IL1RL1: variants seen among roughly 807,000 people sequenced by gnomAD.
IL1RL1 encodes interleukin 1 receptor like 1, also known as interleukin-1 receptor-like 1.
Under a neutral mutation model 50.9 loss-of-function variants are expected in IL1RL1, and 32 were observed. The observed-to-expected ratio is 0.63, with a 90% CI of 0.47 to 0.84. IL1RL1 has a LOEUF of 0.84. IL1RL1 is among the 40% of genes least tolerant of loss of function. The pLI, the probability that IL1RL1 is intolerant of heterozygous loss-of-function variation, is 0.00. For synonymous variants in IL1RL1, 275 were observed against 236.0 expected (o/e 1.17, Z -1.51); for missense variants, 773 against 662.9 (o/e 1.17, Z -1.82).
At chr2:102,322,979 T>A (rs575410008) in intron 1 of IL1RL1, among the ~76,000 whole-genome samples, 3 of 152,296 alleles carry the variant, frequency 2.0e-5, no homozygotes, top group South Asian at 2.1e-4. Context: ...GGAAATGAAC[T>A]CAGAGTTACA....
intron 10 of IL1RL1, among the ~76,000 whole-genome samples, chr2:102,349,475 G>T (rs370406782): frequency 6.6e-6 from 1 of 152,112 alleles, no homozygotes. Context: ...TGAATTCAGA[G>T]TTAGAAGTCC....
At chr2:102,341,353 C>T (rs778048607) in intron 5 of IL1RL1, 1 of 1,211,682 alleles carries the variant, frequency 8.3e-7, no homozygotes, top group Non-Finnish European at 1.1e-6. Context: ...CATCAATGGC[C>T]TTGAGTAAGT....
intron 1 of IL1RL1, among the ~76,000 whole-genome samples, chr2:102,312,591 G>A (rs1377940164): frequency 6.6e-6 from 1 of 152,064 alleles, no homozygotes; most frequent in Non-Finnish European, 1.5e-5. Context: ...GAAGCAAGAA[G>A]CTGCTGGCCA....
intron 8 of IL1RL1, among the ~76,000 whole-genome samples, chr2:102,347,366 G>A (rs1316599046): frequency 6.6e-6 from 1 of 152,142 alleles, no homozygotes; most frequent in Non-Finnish European, 1.5e-5. Flanking sequence ...AGTCTCCAGT[G>A]CTCCTGTGAC....
At chr2:102,342,384 C>A in intron 6 of IL1RL1, 90 bp downstream of exon 6, 2 of 877,770 alleles carry the variant, frequency 2.3e-6, no homozygotes, top group Middle Eastern at 2.2e-4. Flanking sequence ...AGGGGTCAGG[C>A]AATTAGCATA....
chr2:102,321,497 T>C (rs1676836004), intron 1 of IL1RL1, among the ~76,000 whole-genome samples: 1 of 152,196 alleles, frequency 6.6e-6, no homozygotes, highest in African/African-American at 2.4e-5. Context: ...TGATGCAGTG[T>C]TGGTATGTGC....
rs1489855811 is a variant in IL1RL1, at chr2:102,340,235, A to T, written c.410A>T (p.Asp137Val). ...KNSKIYCPTI[D>V]LYNWTAPLEW... ...TCCAAAATTTATTGTCCTACCATTG[A>T]CCTCTACAACTGGACAGCACCTCTT... is the stretch of plus-strand genomic sequence containing the variant. Residue 137 changes from aspartate (D) to valine (V), a missense_variant, in exon 4 of 11, where the codon GAC becomes GTC. By Grantham distance (152) the Asp-to-Val change is radical. Transcript: ENST00000233954. 1 of 1,603,904 alleles carries T rather than the reference A, an allele frequency of 6.2e-7. No homozygotes were observed. The highest frequency in any genetic ancestry group is 1.3e-5 in the African/African-American group (1 of 74,408).
intron 5 of IL1RL1, chr2:102,341,090 C>T (rs1415430417): frequency 2.5e-6 from 2 of 800,902 alleles, no homozygotes; most frequent in Non-Finnish European, 3.3e-6. Context: ...CTTAATTTTC[C>T]AAAGATAAAG....
chr2:102,341,205 T>C, intron 5 of IL1RL1: 1 of 1,139,532 alleles, frequency 8.8e-7, no homozygotes. Context: ...TCAGAGTTTC[T>C]GCAAATTAAA....
chr2:102,347,793 G>A (rs764625716), intron 8 of IL1RL1, 152 bp from the exon 9 acceptor site: 55 of 569,980 alleles, frequency 9.6e-5, no homozygotes, highest in Non-Finnish European at 1.5e-4. Flanking sequence ...CAATAAATGT[G>A]ACTGTCCTGG....
chr2:102,320,802 G>T (rs1676815201), intron 1 of IL1RL1, among the ~76,000 whole-genome samples: 1 of 152,134 alleles, frequency 6.6e-6, no homozygotes, highest in South Asian at 2.1e-4. Context: ...CCTGGTCATA[G>T]CCACCGTCTC....
intron 5 of IL1RL1, chr2:102,341,464 T>C: frequency 2.0e-6 from 1 of 510,458 alleles, no homozygotes; most frequent in Non-Finnish European, 2.7e-6. Context: ...CTACAAAGGA[T>C]TGGGGTCTCC....
chr2:102,337,800 G>GT (rs547678519), intron 1 of IL1RL1, among the ~76,000 whole-genome samples: 79 of 150,038 alleles, frequency 5.3e-4, no homozygotes, highest in African/African-American at 1.5e-3. Context: ...GAATTTTATG[G>GT]TTTTTTTTTC....
intron 10 of IL1RL1, among the ~76,000 whole-genome samples, chr2:102,350,901 G>C (rs1361168279): frequency 6.6e-6 from 1 of 152,138 alleles, no homozygotes; most frequent in African/African-American, 2.4e-5. Flanking sequence ...GTGAGGACTG[G>C]GTATTTCATG....
intron 9 of IL1RL1, 62 bp downstream of exon 9, chr2:102,348,153 C>A: frequency 7.4e-7 from 1 of 1,351,470 alleles, no homozygotes; most frequent in South Asian, 1.3e-5. Context: ...TGTTGGTTAC[C>A]TGTCTATTAA....
chr2:102,325,706 C>A (rs181472144), intron 1 of IL1RL1, among the ~76,000 whole-genome samples: 1 of 152,172 alleles, frequency 6.6e-6, no homozygotes, highest in East Asian at 1.9e-4. Context: ...GTGATGAATG[C>A]GCAAGCCTCA....
chr2:102,345,423 T>C, intron 8 of IL1RL1: 1 of 985,054 alleles, frequency 1.0e-6, no homozygotes, highest in South Asian at 4.7e-5. Context: ...TTTACACTCA[T>C]CACTCCTCAG....
chr2:102,330,990 T>C (rs1035371278), intron 1 of IL1RL1, among the ~76,000 whole-genome samples: 1 of 152,210 alleles, frequency 6.6e-6, no homozygotes, highest in African/African-American at 2.4e-5. Flanking sequence ...TCATTATGTG[T>C]CGAAGGCAGT....
intron 8 of IL1RL1, among the ~76,000 whole-genome samples, chr2:102,347,263 C>G (rs1677810816): frequency 6.6e-6 from 1 of 152,160 alleles, no homozygotes; most frequent in Non-Finnish European, 1.5e-5. Context: ...AACCCAAGTA[C>G]CACACTCCAT....
Sources: gnomAD v4.1 joint callset for allele counts (sites outside exome capture counted in the v4.1 genomes callset) on GRCh38, gnomAD v4.1.1 for gene constraint, MANE v1.5 for transcripts, NCBI Gene and HGNC (gene_info 2026-07-23, HGNC 2026-07-21) for gene names.